The following PHKG2 variants were observed in gnomAD, a reference collection of about 807,000 sequenced individuals.
The protein encoded by PHKG2 is phosphorylase b kinase gamma catalytic chain, liver/testis isoform.
Under a neutral mutation model 44.5 loss-of-function variants are expected in PHKG2, and 28 were observed. That is an observed-to-expected ratio of 0.63 (90% CI 0.47 to 0.86). The LOEUF (loss-of-function observed/expected upper bound fraction) is 0.86. Ranked by LOEUF, PHKG2 falls within the 40% of genes least tolerant of loss-of-function variation. The pLI is 0.00. For missense variants in PHKG2, 498 were observed against 547.5 expected (o/e 0.91, Z 0.90); for synonymous variants, 220 against 211.2 (o/e 1.04, Z -0.36).
Position 30,753,382 on chromosome 16 carries a change from C to G in PHKG2, c.393-12C>G, listed in dbSNP as rs1192141193. The G allele has an allele frequency of 6.2e-7, 1 of 1,614,148 alleles. No individual in the cohort carries two copies. Among genetic ancestry groups the G allele is most frequent in the South Asian group, 1.1e-5 (1 of 91,088 alleles). On this transcript the variant is annotated splice_polypyrimidine_tract_variant and intron_variant, in intron 5 of 9. Transcript: ENST00000563588. Reference sequence around the variant, plus strand: ...CCGAGGAGGAGACTGCACCCGCCTCCCCTTCCCCCAGGTCCATCATGCGGT... The same window carrying G: ...CCGAGGAGGAGACTGCACCCGCCTCGCCTTCCCCCAGGTCCATCATGCGGT...
In PHKG2 at chr16:30,758,772, C is replaced by T. The variant is rs769181220; in HGVS notation, c.*1675C>T. 74 of 600,800 alleles carry T rather than the reference C, an allele frequency of 1.2e-4. No homozygotes were observed. The highest frequency in any genetic ancestry group is 4.6e-4 in the Middle Eastern group (1 of 2,164). The allele number at this position is 600,800 out of a possible 1,614,324, so 37.2% of individuals were successfully genotyped here. A position where few individuals can be genotyped will look rare whatever the true frequency, so the allele number is the denominator to read the frequency against. The stretch of plus-strand genomic sequence containing the variant: ...GTTTCACGGTGTTGCCCAGGCTGGT[C>T]GCGAACTCCTGAGCTCAGGCAATCC... On this transcript the variant is annotated 3_prime_UTR_variant, in exon 10 of 10. Coordinates refer to ENST00000563588, the MANE Select transcript of PHKG2 (RefSeq NM_000294.3).
Position 30,759,577 on chromosome 16 carries a change from T to C in PHKG2, c.*2480T>C. 2 of 1,613,746 alleles carry C rather than the reference T, an allele frequency of 1.2e-6. No individual in the cohort carries two copies. The highest frequency in any genetic ancestry group is 1.7e-6 in the Non-Finnish European group (2 of 1,179,906). ...TGGGGTCTTCACAAGAAGATAAGGG[T>C]GATGAATGTGAGAGAGACTGGGTGA... is the stretch of plus-strand genomic sequence containing the variant. On this transcript the variant is annotated 3_prime_UTR_variant, in exon 10 of 10. Transcript: ENST00000563588.
At chr16:30,749,130 G>GTGGTGCTGC (rs1555466869) in intron 2 of PHKG2, among the ~76,000 whole-genome samples, 1 of 55,420 alleles carries the variant, frequency 1.8e-5, no homozygotes, top group Non-Finnish European at 3.3e-5. Flanking sequence ...GGTGCTGGTG[G>GTGGTGCTGC]TGGTGGTGCT....
rs1455236600 is a variant in PHKG2, at chr16:30,757,397, G to T, written c.*300G>T. On this transcript the variant is annotated 3_prime_UTR_variant, in exon 10 of 10. Transcript: ENST00000563588. ...TCCTGTGTCTGTCTGGCTTGGGCAG[G>T]AAAGCCCAGAAGGTGCTCAGCAGGG... The T allele has an allele frequency of 2.6e-6, 4 of 1,548,628 alleles. No homozygotes were observed. The highest frequency in any genetic ancestry group is 3.5e-6 in the Non-Finnish European group (4 of 1,147,838).
At position 30,757,038 on chromosome 16, in the gene PHKG2, G is replaced by A; in HGVS notation, c.1162G>A (p.Glu388Lys). The change falls in exon 10 of 10, where the codon GAA (glutamate) becomes AAA (lysine). Residue 388 changes from glutamate to lysine, a missense_variant. Glu to Lys is a moderately conservative substitution (Grantham distance 56). Transcript: ENST00000563588. ...PPGPFPIMGP[E>K]EEGDSAAITE... ...TGGGCCTTTTCCCATCATGGGCCCTGAAGAGGAGGGAGACTCTGCTGCTAT... is the reference window on the plus strand; with the variant it reads ...TGGGCCTTTTCCCATCATGGGCCCTAAAGAGGAGGGAGACTCTGCTGCTAT... 1 of 1,612,822 alleles carries A rather than the reference G, an allele frequency of 6.2e-7. No individual in the cohort carries two copies. Among genetic ancestry groups the A allele is most frequent in the East Asian group, 2.2e-5 (1 of 44,884 alleles).
rs769218304 is a variant in PHKG2 at position 30,760,386 on chromosome 16, G to C, written c.*3289G>C. 6.2e-7 allele frequency: 1 copy of C among 1,614,188 alleles called. No homozygotes were observed. Among genetic ancestry groups the C allele is most frequent in the South Asian group, 1.1e-5 (1 of 91,086 alleles). ...CAGAAAATGAGCGCGTGGCAGAAGAGGTCCAGGGTGATGGCGTCCCTCAGG... is the reference window on the plus strand; with the variant it reads ...CAGAAAATGAGCGCGTGGCAGAAGACGTCCAGGGTGATGGCGTCCCTCAGG... On this transcript the variant is annotated 3_prime_UTR_variant, in exon 10 of 10. Transcript: ENST00000563588.
Position 30,759,964 on chromosome 16 carries a change from T to C in PHKG2, c.*2867T>C, listed in dbSNP as rs1300129086. 3 of 1,450,700 alleles carry C rather than the reference T, an allele frequency of 2.1e-6. No individual in the cohort carries two copies. The highest frequency in any genetic ancestry group is 1.4e-5 in the African/African-American group (1 of 70,102). 89.9% of individuals were successfully genotyped at this position (1,450,700 alleles called of 1,614,324 possible). ...TTACGAAGCTTATATTCTAGGGGAA[T>C]AAACCAAGAAATAGATCATTTCAGC... On this transcript the variant is annotated 3_prime_UTR_variant, in exon 10 of 10. Coordinates refer to ENST00000563588, the MANE Select transcript of PHKG2 (RefSeq NM_000294.3).
chr16:30,749,964 CAG>C (rs1567260168), intron 2 of PHKG2, among the ~76,000 whole-genome samples: 8 of 151,816 alleles, frequency 5.3e-5, no homozygotes, highest in Admixed American at 3.9e-4. Context: ...AGTAGGAGTT[CAG>C]GGGGGGGTCT....
chr16:30,751,671 G>T, intron 4 of PHKG2, 68 bp downstream of exon 4: 1 of 1,317,038 alleles, frequency 7.6e-7, no homozygotes. Context: ...AGCATTTGTG[G>T]TGCAGTGGGC....
At chr16:30,752,392 C>CAAA in intron 4 of PHKG2, 1 of 146,110 alleles carries the variant, frequency 6.8e-6, no homozygotes, top group Non-Finnish European at 1.5e-5. Flanking sequence ...ACTCTATCTC[C>CAAA]AAAAAAAAAG....
chr16:30,759,665 G>A lies in PHKG2; in HGVS notation c.*2568G>A. 1.2e-6 allele frequency: 2 copies of A among 1,611,868 alleles called. No homozygotes were observed. Among genetic ancestry groups the A allele is most frequent in the Non-Finnish European group, 1.7e-6 (2 of 1,179,390 alleles). ...CCAGGGGAACTGACCCTGACTCCAT[G>A]GCAAAAAAGGACACTGGTGAAGTAG... On this transcript the variant is annotated 3_prime_UTR_variant, in exon 10 of 10. Transcript: ENST00000563588.
At position 30,757,086 on chromosome 16, in the gene PHKG2, G is replaced by C. The variant is rs1463326473; in HGVS notation, c.1210G>C (p.Val404Leu). 1 of 1,613,234 alleles carries C rather than the reference G, an allele frequency of 6.2e-7. No individual in the cohort carries two copies. Among genetic ancestry groups the C allele is most frequent in the African/African-American group, 1.3e-5 (1 of 74,934 alleles). The change falls in exon 10 of 10, where the codon GTG becomes CTG. Residue 404 changes from valine to leucine, a missense_variant. Coordinates refer to ENST00000563588, the MANE Select transcript of PHKG2 (RefSeq NM_000294.3). ...TATAACTGAGGATGAGGCCGTGCTT[G>C]TGCTGGGCTAGGACCTCAACCCCAG... ...AAITEDEAVL[V>L]LG
rs760824721 is a variant in PHKG2 at position 30,759,938 on chromosome 16, C to A, written c.*2841C>A. On this transcript the variant is annotated 3_prime_UTR_variant, in exon 10 of 10. Coordinates refer to ENST00000563588, the MANE Select transcript of PHKG2 (RefSeq NM_000294.3). ...TGAACAAGACAGACAAGGTCCTGCC[C>A]TTACGAAGCTTATATTCTAGGGGAA... The A allele has an allele frequency of 1.5e-5, 21 of 1,441,724 alleles. No homozygotes were observed. The highest frequency in any genetic ancestry group is 1.1e-4 in the Admixed American group (4 of 36,002). 89.3% of individuals were successfully genotyped at this position (1,441,724 alleles called of 1,614,324 possible). A position where few individuals can be genotyped will look rare whatever the true frequency, so the allele number is the denominator to read the frequency against.
Position 30,759,469 on chromosome 16 carries a change from G to T in PHKG2, c.*2372G>T. On this transcript the variant is annotated 3_prime_UTR_variant, in exon 10 of 10. Transcript: ENST00000563588. ...GCTGAAAGGAGGCCGCTGTGGTGGT[G>T]ACTCGGAATTAGAACCCTGACTACC... The T allele has an allele frequency of 1.2e-6, 2 of 1,614,164 alleles. No individual in the cohort carries two copies. Among genetic ancestry groups the T allele is most frequent in the Middle Eastern group, 1.7e-4 (1 of 6,054 alleles).
At position 30,757,656 on chromosome 16, in the gene PHKG2, TGCAGGGGCAGGGAA is replaced by T. The variant is rs2053468989; in HGVS notation, c.*561_*574del. The stretch of plus-strand genomic sequence containing the variant: ...AGGCTCGGAGGACGTGGATGTGGCC[TGCAGGGGCAGGGAA>T]GAAGGGGCAGGGTGAGGAGAGATGC... On this transcript the variant is annotated 3_prime_UTR_variant, in exon 10 of 10. Coordinates refer to ENST00000563588, the MANE Select transcript of PHKG2 (RefSeq NM_000294.3). The T allele has an allele frequency of 4.3e-6, 7 of 1,609,278 alleles. No homozygotes were observed. The East Asian group carries it at 6.7e-5, about 15-fold the overall frequency.
Position 30,757,804 on chromosome 16 carries a change from C to G in PHKG2, c.*707C>G. The stretch of plus-strand genomic sequence containing the variant: ...TTTCCCTTTAGGAAATGTTAGCAAG[C>G]CCTTGTGTGAGAGGTAGTTGGGTAG... On this transcript the variant is annotated 3_prime_UTR_variant, in exon 10 of 10. Transcript: ENST00000563588. 1 of 1,419,800 alleles carries G rather than the reference C, an allele frequency of 7.0e-7. No homozygotes were observed. Among genetic ancestry groups the G allele is most frequent in the African/African-American group, 1.4e-5 (1 of 69,290 alleles). The allele number at this position is 1,419,800 out of a possible 1,614,324, so 88.0% of individuals were successfully genotyped here.
At chr16:30,751,430 C>T in intron 3 of PHKG2, 119 bp from the exon 4 acceptor site, 1 of 1,280,678 alleles carries the variant, frequency 7.8e-7, no homozygotes. Flanking sequence ...CCACTGCCTC[C>T]TCTGGTTCTC....
At chr16:30,748,777 C>T (rs1008081190) in intron 1 of PHKG2, 26 bp from the exon 2 acceptor site, 11 of 1,449,936 alleles carry the variant, frequency 7.6e-6, no homozygotes, top group Non-Finnish European at 1.0e-5. Flanking sequence ...GCCTCCCTGC[C>T]CTCACTGCCC....
chr16:30,757,333 T>C lies in PHKG2; in HGVS notation c.*236T>C. 6.5e-7 allele frequency: 1 copy of C among 1,529,268 alleles called. No individual in the cohort carries two copies. The highest frequency in any genetic ancestry group is 1.3e-5 in the South Asian group (1 of 77,190). 94.7% of individuals were successfully genotyped at this position (1,529,268 alleles called of 1,614,324 possible). On this transcript the variant is annotated 3_prime_UTR_variant, in exon 10 of 10. Transcript: ENST00000563588. ...CCCGGTCAGTGCTGCATGCACTGCA[T>C]ATGAAATAAAATCTGCTACACGCCA... is the stretch of plus-strand genomic sequence containing the variant.
Sources: allele counts gnomAD v4.1 joint callset (sites outside exome capture counted in the v4.1 genomes callset), GRCh38; gene constraint gnomAD v4.1.1; transcripts MANE v1.5; gene names NCBI Gene and HGNC (gene_info 2026-07-23, HGNC 2026-07-21).